Variants in PTPRG observed in about 807,000 individuals in gnomAD.
PTPRG encodes the protein receptor-type tyrosine-protein phosphatase gamma.
A neutral mutation model predicts 165.3 loss-of-function variants in PTPRG; 102 were observed. That is an observed-to-expected ratio of 0.62 (90% CI 0.53 to 0.73). The LOEUF (loss-of-function observed/expected upper bound fraction) is 0.73. PTPRG is among the 30% of genes least tolerant of loss of function. The pLI, the probability that PTPRG is intolerant of heterozygous loss-of-function variation, is 0.00. For missense variants in PTPRG, 1,866 were observed against 1,861.4 expected, an observed-to-expected ratio of 1.00 and a Z score of -0.05; for synonymous variants, 675 against 669.5, an observed-to-expected ratio of 1.01 and a Z score of -0.13.
chr3:62,067,700 C>T (rs113592561), intron 4 of PTPRG, among the ~76,000 whole-genome samples: 19 of 152,204 alleles, frequency 1.2e-4, no homozygotes, highest in South Asian at 1.0e-3. Context: ...TCCTTGCATG[C>T]GCAGTTCATA....
chr3:61,742,358 T>A, intron 1 of PTPRG: 1 of 854,282 alleles, frequency 1.2e-6, no homozygotes, highest in Non-Finnish European at 1.8e-6. Context: ...AGTAGGTGAC[T>A]CTTAGGACAT....
intron 2 of PTPRG, among the ~76,000 whole-genome samples, chr3:61,772,058 T>TAAA (rs71100977): frequency 7.4e-4 from 48 of 64,756 alleles, no homozygotes; most frequent in South Asian, 1.4e-3. Flanking sequence ...AGACTCTGTC[T>TAAA]AAAAAAAAAA....
chr3:62,198,910 C>T (rs1489058245), intron 10 of PTPRG, among the ~76,000 whole-genome samples: 2 of 152,160 alleles, frequency 1.3e-5, no homozygotes, highest in Admixed American at 1.3e-4. Flanking sequence ...AGAAAAACCC[C>T]ATTAGGCCCA....
chr3:62,250,805 T>C (rs1701393282), intron 15 of PTPRG, among the ~76,000 whole-genome samples: 1 of 152,216 alleles, frequency 6.6e-6, no homozygotes, highest in Non-Finnish European at 1.5e-5. Context: ...GAGGCTCTGC[T>C]TTTGGTACCT....
chr3:61,708,949 C>T (rs1001260321), intron 1 of PTPRG, among the ~76,000 whole-genome samples: 1 of 152,168 alleles, frequency 6.6e-6, no homozygotes, highest in Non-Finnish European at 1.5e-5. Context: ...AAGGTTTGGC[C>T]GGTTTGGATT....
rs914924947 is a variant in PTPRG at position 61,784,891 on chromosome 3, G to A, written c.190+35909G>A. On this transcript the variant is annotated intron_variant, in intron 2 of 29. Transcript: ENST00000474889. ...AAGAACAGCTTAATAGTCTGAAAAC[G>A]GATGAATTTAAAATTAGAGAGTTGA... Among the ~76,000 whole-genome samples the A allele has an allele frequency of 3.9e-5, 6 of 152,100 alleles. No individual in the cohort carries two copies. In the East Asian group the frequency reaches 5.8e-4, roughly 15 times the overall value.
At chr3:62,165,779 A>G (rs1291341924) in intron 7 of PTPRG, among the ~76,000 whole-genome samples, 2 of 152,154 alleles carry the variant, frequency 1.3e-5, no homozygotes, top group Non-Finnish European at 2.9e-5. Context: ...TACTTCAATG[A>G]TTTTTGCATG....
chr3:61,908,958 C>T (rs1298962373), intron 2 of PTPRG, among the ~76,000 whole-genome samples: 3 of 152,176 alleles, frequency 2.0e-5, no homozygotes, highest in Non-Finnish European at 1.5e-5. Context: ...CTTTCACTGA[C>T]TTGCCCTTTC....
In PTPRG at chr3:62,211,492, T is replaced by C. The variant is rs114618956; in HGVS notation, c.2156-7359T>C. Among the ~76,000 whole-genome samples the C allele has an allele frequency of 5.0e-3, 761 of 152,332 alleles. 5 individuals are homozygous for C. The highest frequency in any genetic ancestry group is 0.017 in the Middle Eastern group (5 of 294). ...GGACACTTAGAAATGGTTAAGATGG[T>C]AAATTTTGTGTTATGTGTTTTTCCA... On this transcript the variant is annotated intron_variant, in intron 12 of 29. Coordinates refer to ENST00000474889, the MANE Select transcript of PTPRG (RefSeq NM_002841.4).
At chr3:61,592,099 G>A (rs1356751564) in intron 1 of PTPRG, among the ~76,000 whole-genome samples, 1 of 151,422 alleles carries the variant, frequency 6.6e-6, no homozygotes, top group African/African-American at 2.4e-5. Context: ...TCAGCCTCCC[G>A]AGCAGCTGGG....
intron 2 of PTPRG, among the ~76,000 whole-genome samples, chr3:61,986,008 G>A (rs1407399629): frequency 6.6e-6 from 1 of 151,910 alleles, no homozygotes; most frequent in East Asian, 1.9e-4. Flanking sequence ...TGGCTCTGGA[G>A]ACCAAGGGAG....
rs186612973 is a variant in PTPRG at position 61,839,106 on chromosome 3, A to G, written c.190+90124A>G. On this transcript the variant is annotated intron_variant, in intron 2 of 29. Transcript: ENST00000474889. ...AGCAAATCTAAAACCAACAAGGCAT[A>G]TATCCTTTAAGATAATAGATAAACT... Among the ~76,000 whole-genome samples, 13 of 152,356 alleles carry G rather than the reference A, an allele frequency of 8.5e-5. No homozygotes were observed. In the East Asian group the frequency reaches 2.3e-3, roughly 27 times the overall value.
chr3:61,710,726 A>T (rs1186555439), intron 1 of PTPRG, among the ~76,000 whole-genome samples: 1 of 151,904 alleles, frequency 6.6e-6, no homozygotes, highest in Admixed American at 6.6e-5. Flanking sequence ...AAGATTGGAT[A>T]CCTCTGATTT....
chr3:62,001,054 A>G (rs1427361317), intron 3 of PTPRG, among the ~76,000 whole-genome samples: 1 of 152,244 alleles, frequency 6.6e-6, no homozygotes, highest in East Asian at 1.9e-4. Flanking sequence ...GCTCATATGC[A>G]TGACATCTTG....
intron 4 of PTPRG, among the ~76,000 whole-genome samples, chr3:62,062,032 G>T (rs1476845213): frequency 6.6e-6 from 1 of 151,000 alleles, no homozygotes; most frequent in Non-Finnish European, 1.5e-5. Flanking sequence ...GGGCGTGGTG[G>T]CTCACGCCTG....
Position 62,036,294 on chromosome 3 carries a change from C to G in PTPRG, c.519+32797C>G, listed in dbSNP as rs185758650. The stretch of plus-strand genomic sequence containing the variant: ...ATATCTCAGAACTGCATAAGGAATT[C>G]CAGATGATGTGATAAAAAAGAAATC... On this transcript the variant is annotated intron_variant, in intron 4 of 29. Coordinates refer to ENST00000474889, the MANE Select transcript of PTPRG (RefSeq NM_002841.4). Among the ~76,000 whole-genome samples the G allele has an allele frequency of 3.5e-4, 53 of 152,188 alleles. No individual in the cohort carries two copies. In the East Asian group the frequency reaches 8.5e-3, roughly 24 times the overall value.
At chr3:62,257,674 G>A (rs1701570301) in intron 16 of PTPRG, among the ~76,000 whole-genome samples, 1 of 152,144 alleles carries the variant, frequency 6.6e-6, no homozygotes, top group African/African-American at 2.4e-5. Flanking sequence ...AGTGTCCTGG[G>A]CCAGGCACAG....
rs926954605 is a variant in PTPRG at position 62,294,766 on chromosome 3, A to C, written c.*1459A>C. Reference sequence around the variant, plus strand: ...AGCTTCTGTCAAAAGTGAAATCATCACCAGAACTGGGCCTGTTAGGAAGAA... The same window carrying C: ...AGCTTCTGTCAAAAGTGAAATCATCCCCAGAACTGGGCCTGTTAGGAAGAA... On this transcript the variant is annotated 3_prime_UTR_variant, in exon 30 of 30. Transcript: ENST00000474889. The C allele has an allele frequency of 6.6e-6, 1 of 152,148 alleles. No homozygotes were observed. The highest frequency in any genetic ancestry group is 6.6e-5 in the Admixed American group (1 of 15,246). 9.4% of individuals were successfully genotyped at this position (152,148 alleles called of 1,614,324 possible).
chr3:62,147,278 G>C (rs770437115), intron 6 of PTPRG, among the ~76,000 whole-genome samples: 2 of 152,166 alleles, frequency 1.3e-5, no homozygotes, highest in Non-Finnish European at 2.9e-5. Flanking sequence ...TCAGTGAAGG[G>C]TAAACTGAGG....
Sources: gnomAD v4.1 joint callset for allele counts (sites outside exome capture counted in the v4.1 genomes callset) on GRCh38, gnomAD v4.1.1 for gene constraint, MANE v1.5 for transcripts, NCBI Gene and HGNC (gene_info 2026-07-23, HGNC 2026-07-21) for gene names.